Variants in MEI4 observed in about 807,000 individuals in gnomAD.
MEI4 encodes the protein meiosis-specific protein MEI4.
Under a neutral mutation model 31.4 loss-of-function variants are expected in MEI4, and 27 were observed. The observed-to-expected ratio is 0.86, with a 90% confidence interval of 0.63 to 1.19. MEI4 has a LOEUF of 1.19. MEI4 is among the 50% of genes most tolerant of loss of function. The probability of loss-of-function intolerance (pLI) is 0.00; values close to 1 mark genes in which losing one functional copy is unlikely to be tolerated. For synonymous variants in MEI4, 122 were observed against 145.4 expected, an observed-to-expected ratio of 0.84 and a Z score of 1.16; for missense variants, 329 against 398.9, an observed-to-expected ratio of 0.82 and a Z score of 1.49.
chr6:77,752,627 A>G (rs1177804679), intron 2 of MEI4, among the ~76,000 whole-genome samples: 3 of 152,178 alleles, frequency 2.0e-5, no homozygotes, highest in African/African-American at 7.2e-5. Context: ...ACAAATAGAA[A>G]AACTTTCCAT....
At chr6:77,742,505 A>G (rs1368436151) in intron 2 of MEI4, among the ~76,000 whole-genome samples, 10 of 152,140 alleles carry the variant, frequency 6.6e-5, no homozygotes, top group Admixed American at 6.5e-4. Flanking sequence ...AGTTCATTGT[A>G]GATTCTGGAT....
At chr6:77,791,131 T>G (rs1768916173) in intron 3 of MEI4, among the ~76,000 whole-genome samples, 1 of 152,104 alleles carries the variant, frequency 6.6e-6, no homozygotes, top group South Asian at 2.1e-4. Context: ...TGGCGATTCC[T>G]CAGGGATCTA....
At chr6:77,775,179 AC>A (rs1768408610) in intron 3 of MEI4, among the ~76,000 whole-genome samples, 1 of 152,056 alleles carries the variant, frequency 6.6e-6, no homozygotes, top group African/African-American at 2.4e-5. Flanking sequence ...CTCTGCAAAG[AC>A]CGTTTTTCTT....
intron 2 of MEI4, among the ~76,000 whole-genome samples, chr6:77,744,818 C>G (rs1767537934): frequency 6.6e-6 from 1 of 152,190 alleles, no homozygotes; most frequent in Non-Finnish European, 1.5e-5. Context: ...CAATATTCAA[C>G]ATTCTTAAAG....
intron 3 of MEI4, among the ~76,000 whole-genome samples, chr6:77,766,176 T>C (rs899798301): frequency 6.6e-6 from 1 of 152,220 alleles, no homozygotes; most frequent in African/African-American, 2.4e-5. Flanking sequence ...TTTTTCTTTC[T>C]GTTTTAATTA....
chr6:77,732,352 T>C (rs555228689), intron 2 of MEI4, among the ~76,000 whole-genome samples: 4 of 152,242 alleles, frequency 2.6e-5, no homozygotes, highest in Admixed American at 2.6e-4. Flanking sequence ...ACATCCCTTG[T>C]AATTTGGATT....
At chr6:77,694,280 A>G (rs937382500) in intron 2 of MEI4, among the ~76,000 whole-genome samples, 1 of 151,582 alleles carries the variant, frequency 6.6e-6, no homozygotes, top group Non-Finnish European at 1.5e-5. Context: ...TTATTATTAC[A>G]CTTTAAGTTT....
intron 4 of MEI4, among the ~76,000 whole-genome samples, chr6:77,853,551 A>C (rs1391103686): frequency 1.3e-5 from 2 of 152,214 alleles, no homozygotes; most frequent in Non-Finnish European, 2.9e-5. Context: ...CATAACTTAA[A>C]GGCTTATGAA....
chr6:77,817,195 A>G (rs150239840), intron 3 of MEI4, among the ~76,000 whole-genome samples: 114 of 152,240 alleles, frequency 7.5e-4, no homozygotes, highest in Non-Finnish European at 1.2e-3. Flanking sequence ...ATTTTTTTCT[A>G]CTTTATAGGT....
chr6:77,802,992 G>T (rs1769313475), intron 3 of MEI4, among the ~76,000 whole-genome samples: 1 of 152,094 alleles, frequency 6.6e-6, no homozygotes, highest in African/African-American at 2.4e-5. Context: ...GGCATTCTCT[G>T]TATTTCCTGA....
At chr6:77,793,023 A>G (rs1288836924) in intron 3 of MEI4, among the ~76,000 whole-genome samples, 2 of 151,934 alleles carry the variant, frequency 1.3e-5, no homozygotes, top group Non-Finnish European at 2.9e-5. Context: ...TCCCAACACT[A>G]TTTATTGAAG....
chr6:77,682,256 C>T (rs558879133), intron 1 of MEI4, among the ~76,000 whole-genome samples: 44 of 152,308 alleles, frequency 2.9e-4, no homozygotes, highest in African/African-American at 1.1e-3. Context: ...GAGTGTTTAG[C>T]CAGTGTCCTT....
At chr6:77,651,865 G>C (rs143769257), upstream of MEI4, among the ~76,000 whole-genome samples, 1,596 of 152,252 alleles carry the variant, frequency 0.01, 29 homozygotes, top group African/African-American at 0.035. Flanking sequence ...ATGTTAGTCT[G>C]AATGCCAGTA....
In MEI4 at chr6:77,687,962, C is replaced by T. The variant is rs781480552; in HGVS notation, c.-14-2696C>T. Among the ~76,000 whole-genome samples the T allele has an allele frequency of 5.3e-4, 81 of 152,070 alleles. 1 individual carries two copies. Among genetic ancestry groups the T allele is most frequent in the Non-Finnish European group, 9.4e-4 (64 of 67,994 alleles). On this transcript the variant is annotated intron_variant, in intron 1 of 4. Transcript: ENST00000684080. ...AGGCTTGGGGTGGGACTGAAAGTTC[C>T]AAGCTTTTAATTATGGTTTGGTCTT...
intron 3 of MEI4, among the ~76,000 whole-genome samples, chr6:77,806,407 T>C (rs1561997034): frequency 1.3e-5 from 2 of 152,138 alleles, no homozygotes; most frequent in African/African-American, 4.8e-5. Flanking sequence ...GCAGTGGTGA[T>C]AAACAGAGAA....
intron 2 of MEI4, among the ~76,000 whole-genome samples, chr6:77,696,699 T>C (rs968055991): frequency 6.6e-6 from 1 of 151,808 alleles, no homozygotes; most frequent in African/African-American, 2.4e-5. Context: ...GCATCAATGT[T>C]CATCAAGGAT....
chr6:77,704,757 C>T (rs1561952031), intron 2 of MEI4, among the ~76,000 whole-genome samples: 1 of 152,076 alleles, frequency 6.6e-6, no homozygotes, highest in African/African-American at 2.4e-5. Flanking sequence ...AGAGAAGCGT[C>T]AAAGGAAACG....
At chr6:77,786,087 T>A (rs550110472) in intron 3 of MEI4, among the ~76,000 whole-genome samples, 3 of 152,182 alleles carry the variant, frequency 2.0e-5, no homozygotes, top group East Asian at 3.9e-4. Context: ...TTTAAAAAAA[T>A]TAAAATAAAA....
At chr6:77,872,658 C>T (rs1771224090) in intron 4 of MEI4, among the ~76,000 whole-genome samples, 1 of 150,294 alleles carries the variant, frequency 6.7e-6, no homozygotes, top group African/African-American at 2.4e-5. Context: ...TATACATCTG[C>T]CATGCTGGTG....
Sources: gnomAD v4.1 joint callset for allele counts (sites outside exome capture counted in the v4.1 genomes callset) on GRCh38, gnomAD v4.1.1 for gene constraint, MANE v1.5 for transcripts, NCBI Gene and HGNC (gene_info 2026-07-23, HGNC 2026-07-21) for gene names.